The following THAP4 variants were observed in gnomAD, a reference collection of about 807,000 sequenced individuals.
The protein encoded by THAP4 is peroxynitrite isomerase THAP4.
In THAP4, 18 loss-of-function variants were observed where a neutral mutation model predicts 48.1. The observed-to-expected ratio is 0.37, with a 90% CI of 0.26 to 0.56. THAP4 has a LOEUF of 0.56. THAP4 is among the 20% of genes least tolerant of loss of function. The probability of loss-of-function intolerance (pLI) is 0.78; values close to 1 mark genes in which losing one functional copy is unlikely to be tolerated. For synonymous variants in THAP4, 345 were observed against 324.9 expected, an observed-to-expected ratio of 1.06 and a Z score of -0.66; for missense variants, 656 against 774.9, an observed-to-expected ratio of 0.85 and a Z score of 1.82.
At chr2:241,598,786 A>C (rs1251618131) in intron 5 of THAP4, among the ~76,000 whole-genome samples, 1 of 152,138 alleles carries the variant, frequency 6.6e-6, no homozygotes, top group South Asian at 2.1e-4. Flanking sequence ...AGGGGGAAAA[A>C]CAGATTCATC....
chr2:241,596,910 G>C (rs1389818012), intron 5 of THAP4, among the ~76,000 whole-genome samples: 1 of 150,706 alleles, frequency 6.6e-6, no homozygotes, highest in Non-Finnish European at 1.5e-5. Context: ...GTGAGTGATG[G>C]GTGAATGTGA....
chr2:241,632,666 C>T (rs924272903), intron 2 of THAP4, among the ~76,000 whole-genome samples: 2 of 152,336 alleles, frequency 1.3e-5, no homozygotes, highest in Non-Finnish European at 2.9e-5. Flanking sequence ...CTGGCTGACG[C>T]GTGCTGCCTG....
intron 2 of THAP4, among the ~76,000 whole-genome samples, chr2:241,631,632 A>G (rs958461471): frequency 6.6e-5 from 10 of 152,094 alleles, no homozygotes; most frequent in Non-Finnish European, 1.2e-4. Flanking sequence ...TACTCGGCTA[A>G]TTTTTAAATT....
At chr2:241,593,087 T>C (rs943013029) in intron 5 of THAP4, among the ~76,000 whole-genome samples, 8 of 151,816 alleles carry the variant, frequency 5.3e-5, no homozygotes, top group African/African-American at 1.7e-4. Flanking sequence ...CTATTAAAAA[T>C]ACAAAAAATT....
In THAP4 at chr2:241,585,927, AAAG is replaced by A. The variant is rs1443123705; in HGVS notation, c.1615-1205_1615-1203del. ...GACTCCTTCTCAAAAAAAAAAAAAAAAAGAAAAAAAAAAGAAAAAGAAAAAGAA... is the reference window on the plus strand; with the variant it reads ...GACTCCTTCTCAAAAAAAAAAAAAAAAAAAAAAAAAGAAAAAGAAAAAGAA... On this transcript the variant is annotated intron_variant, in intron 5 of 5. Coordinates refer to ENST00000407315, the MANE Select transcript of THAP4 (RefSeq NM_015963.6). Among the ~76,000 whole-genome samples, 31 of 143,684 alleles carry A rather than the reference AAAG, an allele frequency of 2.2e-4. 4 individuals are homozygous for A. The highest frequency in any genetic ancestry group is 2.1e-3 in the South Asian group (9 of 4,354). 94.3% of individuals were successfully genotyped at this position (143,684 alleles called of 152,430 possible). A position where few individuals can be genotyped will look rare whatever the true frequency, so the allele number is the denominator to read the frequency against.
In THAP4 at chr2:241,617,732, C is replaced by G. The variant is rs558159909; in HGVS notation, c.1241-11259G>C. ...GGCTTCTACCCTCAGCCTCCTCCACCAGCTACAGCAGAGGAAGGCAACACC... is the reference window on the plus strand; with the variant it reads ...GGCTTCTACCCTCAGCCTCCTCCACGAGCTACAGCAGAGGAAGGCAACACC... On this transcript the variant is annotated intron_variant, in intron 2 of 5. Coordinates refer to ENST00000407315, the MANE Select transcript of THAP4 (RefSeq NM_015963.6). 5.0e-4 allele frequency among the ~76,000 whole-genome samples: 76 copies of G among 152,276 alleles called. 4 individuals are homozygous for G. The highest frequency in any genetic ancestry group is 3.9e-4 in the Admixed American group (6 of 15,302).
At chr2:241,636,789 G>A (rs1250914529) in intron 1 of THAP4, 152 bp downstream of exon 1, 5 of 289,524 alleles carry the variant, frequency 1.7e-5, no homozygotes, top group Admixed American at 1.3e-4. Context: ...CGGCGGCCGG[G>A]CCAAGGTCAC....
At chr2:241,602,097 C>T in intron 4 of THAP4, 98 bp from the exon 5 acceptor site, 1 of 1,176,316 alleles carries the variant, frequency 8.5e-7, no homozygotes, top group Non-Finnish European at 1.2e-6. Context: ...CCACAGGAGG[C>T]CCCAACTCTG....
chr2:241,617,288 T>A (rs1037443970), intron 2 of THAP4: 2 of 735,508 alleles, frequency 2.7e-6, no homozygotes, highest in Non-Finnish European at 4.6e-6. Flanking sequence ...TTCTAGGCAT[T>A]TCTTTTCTGA....
At chr2:241,611,492 G>C (rs1201362042) in intron 2 of THAP4, among the ~76,000 whole-genome samples, 1 of 152,110 alleles carries the variant, frequency 6.6e-6, no homozygotes, top group African/African-American at 2.4e-5. Context: ...GGAGGCCAAG[G>C]CGGGTGGATC....
intron 5 of THAP4, chr2:241,594,524 A>C: frequency 3.6e-6 from 1 of 278,160 alleles, no homozygotes; most frequent in South Asian, 3.8e-5. Flanking sequence ...CAGGAGTTCA[A>C]GACCTGCCTG....
chr2:241,587,237 G>A (rs1017545985), intron 5 of THAP4, among the ~76,000 whole-genome samples: 1 of 152,190 alleles, frequency 6.6e-6, no homozygotes, highest in Non-Finnish European at 1.5e-5. Context: ...AATAGGCTGG[G>A]GGCCCAGATA....
chr2:241,637,554 C>A, upstream of THAP4: 1 of 1,480,102 alleles, frequency 6.8e-7, no homozygotes, highest in Non-Finnish European at 8.9e-7. Flanking sequence ...CCCGGCCGTA[C>A]GCCAAAATGG....
At chr2:241,589,695 GA>G (rs11397853) in intron 5 of THAP4, among the ~76,000 whole-genome samples, 2 of 151,480 alleles carry the variant, frequency 1.3e-5, no homozygotes, top group South Asian at 4.2e-4. Context: ...CACCCAAGAG[GA>G]AAAAAAACAT....
intron 1 of THAP4, among the ~76,000 whole-genome samples, chr2:241,636,470 A>G (rs1272385921): frequency 1.3e-5 from 2 of 152,150 alleles, no homozygotes; most frequent in East Asian, 3.9e-4. Context: ...GCCGTCCCGT[A>G]GACTCTCCGC....
intron 2 of THAP4, among the ~76,000 whole-genome samples, chr2:241,614,208 C>G (rs945923583): frequency 6.6e-6 from 1 of 151,338 alleles, no homozygotes; most frequent in Non-Finnish European, 1.5e-5. Context: ...AAGACCCTCA[C>G]CTCTTTTGCT....
chr2:241,614,499 T>A (rs914194561), intron 2 of THAP4, among the ~76,000 whole-genome samples: 2 of 152,222 alleles, frequency 1.3e-5, no homozygotes, highest in Admixed American at 1.3e-4. Context: ...AATTCACCTC[T>A]AAGTCTGAAT....
At chr2:241,605,434 A>G (rs1358430529) in intron 3 of THAP4, among the ~76,000 whole-genome samples, 1 of 152,186 alleles carries the variant, frequency 6.6e-6, no homozygotes, top group African/African-American at 2.4e-5. Context: ...TATTACTTCT[A>G]TAATTAAAAA....
intron 2 of THAP4, among the ~76,000 whole-genome samples, chr2:241,609,782 C>CA (rs34765458): frequency 0.32 from 45,158 of 143,160 alleles, 7,292 homozygotes; most frequent in South Asian, 0.46. Flanking sequence ...GACGTTTTCT[C>CA]AAAAAAAAAA....
Sources: allele counts gnomAD v4.1 joint callset (sites outside exome capture counted in the v4.1 genomes callset), GRCh38; gene constraint gnomAD v4.1.1; transcripts MANE v1.5; gene names NCBI Gene and HGNC (gene_info 2026-07-23, HGNC 2026-07-21).